CHRM3: variants seen among roughly 807,000 people sequenced by gnomAD.
The protein encoded by CHRM3 is muscarinic acetylcholine receptor M3.
A neutral mutation model predicts 41.8 loss-of-function variants in CHRM3; 11 were observed. That is an observed-to-expected ratio of 0.26 (90% CI 0.17 to 0.44). The LOEUF is 0.44. CHRM3 is among the 20% of genes least tolerant of loss of function. The probability of loss-of-function intolerance (pLI) is 1.00; values close to 1 mark genes in which losing one functional copy is unlikely to be tolerated. For missense variants in CHRM3, 571 were observed against 745.4 expected, an observed-to-expected ratio of 0.77 and a Z score of 2.72; for synonymous variants, 297 against 301.4, an observed-to-expected ratio of 0.99 and a Z score of 0.15.
chr1:239,677,359 G>A (rs915568845), intron 4 of CHRM3, among the ~76,000 whole-genome samples: 7 of 152,300 alleles, frequency 4.6e-5, no homozygotes, highest in Admixed American at 6.5e-5. Context: ...AAGTTGAATC[G>A]GTAAAGTGGG....
intron 6 of CHRM3, among the ~76,000 whole-genome samples, chr1:239,899,418 C>T (rs1456073682): frequency 6.6e-6 from 1 of 150,958 alleles, no homozygotes; most frequent in African/African-American, 2.4e-5. Context: ...TACATATATA[C>T]ACACATATCT....
At chr1:239,413,996 A>G (rs1661308154) in intron 1 of CHRM3, among the ~76,000 whole-genome samples, 1 of 152,226 alleles carries the variant, frequency 6.6e-6, no homozygotes, top group South Asian at 2.1e-4. Context: ...GTTGAAGAGA[A>G]ACCAGGGTTC....
chr1:239,711,424 C>T (rs537312461), intron 5 of CHRM3, among the ~76,000 whole-genome samples: 2 of 152,098 alleles, frequency 1.3e-5, no homozygotes, highest in South Asian at 2.1e-4. Flanking sequence ...CCAGACCCCC[C>T]ATTCCATCCA....
At chr1:239,860,542 A>G (rs1675553780) in intron 6 of CHRM3, among the ~76,000 whole-genome samples, 1 of 152,214 alleles carries the variant, frequency 6.6e-6, no homozygotes, top group African/African-American at 2.4e-5. Context: ...ATTTGCACAT[A>G]CATCAGGAGA....
chr1:239,763,676 C>T (rs1666980772), intron 5 of CHRM3, among the ~76,000 whole-genome samples: 2 of 152,072 alleles, frequency 1.3e-5, no homozygotes, highest in Admixed American at 1.3e-4. Context: ...GCCATGAACT[C>T]CCATGAATCA....
chr1:239,762,900 A>C (rs1190950280), intron 5 of CHRM3, among the ~76,000 whole-genome samples: 2 of 152,234 alleles, frequency 1.3e-5, no homozygotes, highest in African/African-American at 4.8e-5. Flanking sequence ...GTTGAAAATG[A>C]AATTTCCTGT....
At chr1:239,616,415 G>A (rs373844159) in intron 3 of CHRM3, among the ~76,000 whole-genome samples, 6 of 152,044 alleles carry the variant, frequency 3.9e-5, no homozygotes, top group African/African-American at 1.4e-4. Flanking sequence ...CCCCTTCCTC[G>A]GTGCCTTTGA....
intron 1 of CHRM3, among the ~76,000 whole-genome samples, chr1:239,395,688 G>T (rs764987233): frequency 1.2e-4 from 18 of 152,184 alleles, no homozygotes; most frequent in Non-Finnish European, 2.4e-4. Flanking sequence ...GCCTTCAGGT[G>T]ATGCAGATAC....
chr1:239,673,403 A>T (rs1231466693), intron 4 of CHRM3, among the ~76,000 whole-genome samples: 2 of 152,190 alleles, frequency 1.3e-5, no homozygotes, highest in Admixed American at 1.3e-4. Flanking sequence ...ATTGATTTTC[A>T]TCATACTCTC....
chr1:239,836,811 C>A (rs1440838516), intron 6 of CHRM3, among the ~76,000 whole-genome samples: 1 of 151,964 alleles, frequency 6.6e-6, no homozygotes, highest in African/African-American at 2.4e-5. Flanking sequence ...CTTGTCTCCA[C>A]TAAAAATACA....
At chr1:239,467,683 C>T (rs545767688) in intron 1 of CHRM3, among the ~76,000 whole-genome samples, 1 of 152,248 alleles carries the variant, frequency 6.6e-6, no homozygotes, top group Non-Finnish European at 1.5e-5. Flanking sequence ...ATTCTATAAG[C>T]TTACCTATTG....
rs181257811 is a variant in CHRM3 at position 239,855,540 on chromosome 1, G to T, written c.-20+28162G>T. Among the ~76,000 whole-genome samples, 4 of 152,020 alleles carry T rather than the reference G, an allele frequency of 2.6e-5. No homozygotes were observed. In the East Asian group the frequency reaches 7.7e-4, roughly 29 times the overall value. On this transcript the variant is annotated intron_variant, in intron 6 of 6. Coordinates refer to ENST00000676153, the MANE Select transcript of CHRM3 (RefSeq NM_001375978.1). The stretch of plus-strand genomic sequence containing the variant: ...TCATTTGAACCTAGTCAGCATTAGG[G>T]GATTTTACTAACAGACTTTTTTTTT...
At position 239,682,224 on chromosome 1, in the gene CHRM3, C is replaced by T. The variant is rs74902180; in HGVS notation, c.-147+3936C>T. 5.9e-3 allele frequency among the ~76,000 whole-genome samples: 905 copies of T among 152,216 alleles called. 12 individuals are homozygous for T. Among genetic ancestry groups the T allele is most frequent in the African/African-American group, 0.02 (844 of 41,540 alleles). On this transcript the variant is annotated intron_variant, in intron 5 of 6. Transcript: ENST00000676153. ...TTTTGGGATCAAGATGGACTGGCCTCGTGTACAATTCTTCTCCTTCGTGAA... is the reference window on the plus strand; with the variant it reads ...TTTTGGGATCAAGATGGACTGGCCTTGTGTACAATTCTTCTCCTTCGTGAA...
intron 4 of CHRM3, among the ~76,000 whole-genome samples, chr1:239,645,762 A>C (rs1671690829): frequency 6.6e-6 from 1 of 151,784 alleles, no homozygotes; most frequent in Non-Finnish European, 1.5e-5. Flanking sequence ...AAAAAATGTA[A>C]CAAAAGAACG....
At chr1:239,518,182 G>A (rs1287437142) in intron 2 of CHRM3, among the ~76,000 whole-genome samples, 1 of 152,184 alleles carries the variant, frequency 6.6e-6, no homozygotes, top group Non-Finnish European at 1.5e-5. Context: ...TAAAGAGCAC[G>A]AGGAAAGACT....
chr1:239,547,006 A>G (rs1239311708), intron 3 of CHRM3, among the ~76,000 whole-genome samples: 2 of 152,216 alleles, frequency 1.3e-5, no homozygotes, highest in Non-Finnish European at 2.9e-5. Context: ...ATATTGAGAA[A>G]GACTTTTCCA....
intron 5 of CHRM3, among the ~76,000 whole-genome samples, chr1:239,790,963 CAA>C (rs1351692792): frequency 2.8e-5 from 4 of 144,634 alleles, no homozygotes; most frequent in African/African-American, 1.0e-4. Context: ...CACAGAAAAA[CAA>C]GAGAGATTTT....
At chr1:239,887,016 A>G (rs1317610299) in intron 6 of CHRM3, among the ~76,000 whole-genome samples, 3 of 152,114 alleles carry the variant, frequency 2.0e-5, no homozygotes, top group African/African-American at 7.2e-5. Flanking sequence ...TCTTCCTTAA[A>G]CAACTGCTTG....
chr1:239,564,611 T>C (rs1469035360), intron 3 of CHRM3, among the ~76,000 whole-genome samples: 1 of 152,184 alleles, frequency 6.6e-6, no homozygotes, highest in African/African-American at 2.4e-5. Flanking sequence ...TCGTGGTTAT[T>C]AATAGAACCA....
Sources: gnomAD v4.1 joint callset for allele counts (sites outside exome capture counted in the v4.1 genomes callset) on GRCh38, gnomAD v4.1.1 for gene constraint, MANE v1.5 for transcripts, NCBI Gene and HGNC (gene_info 2026-07-23, HGNC 2026-07-21) for gene names.